The following PCDHGA6 variants were observed in gnomAD, a reference collection of about 807,000 sequenced individuals.
PCDHGA6 encodes the protein protocadherin gamma-A6.
Under a neutral mutation model 60.6 loss-of-function variants are expected in PCDHGA6, and 41 were observed. The ratio of observed to expected loss-of-function variants is 0.68; its 90% CI spans 0.53 to 0.88. The LOEUF is 0.88. Among genes scored for constraint, PCDHGA6 ranks in the 40% least tolerant of loss-of-function variants. PCDHGA6 has a pLI of 0.00. For synonymous variants in PCDHGA6, 594 were observed against 524.4 expected (o/e 1.13, Z -1.81); for missense variants, 1,312 against 1,203.0 (o/e 1.09, Z -1.34).
intron 1 of PCDHGA6, chr5:141,383,477 A>T: frequency 6.2e-7 from 1 of 1,613,722 alleles, no homozygotes; most frequent in Non-Finnish European, 8.5e-7. Context: ...AAGTACCCGG[A>T]ACTGGTGCTG....
intron 1 of PCDHGA6, chr5:141,414,573 A>G: frequency 6.2e-7 from 1 of 1,613,920 alleles, no homozygotes; most frequent in African/African-American, 1.3e-5. Context: ...CCTATATCCC[A>G]GAGAACAACG....
In PCDHGA6 at chr5:141,389,374, G is replaced by A. The variant is rs192606668; in HGVS notation, c.2424+12867G>A. On this transcript the variant is annotated intron_variant, in intron 1 of 3. Coordinates refer to ENST00000517434, the MANE Select transcript of PCDHGA6 (RefSeq NM_018919.3). Reference sequence around the variant, plus strand: ...ATCATGGCCAGTGACCTGGAGCAGCGGGAGCTGTCATCCTACGTGTCCATA... The same window carrying A: ...ATCATGGCCAGTGACCTGGAGCAGCAGGAGCTGTCATCCTACGTGTCCATA... 1,030 of 1,613,784 alleles carry A rather than the reference G, an allele frequency of 6.4e-4. 16 individuals are homozygous for A. The East Asian group carries it at 0.021, about 33-fold the overall frequency.
intron 1 of PCDHGA6, chr5:141,408,883 C>A: frequency 6.2e-7 from 1 of 1,613,462 alleles, no homozygotes; most frequent in Non-Finnish European, 8.5e-7. Flanking sequence ...CCACCGCTCA[C>A]ATAGAAATTT....
In PCDHGA6 at chr5:141,423,465, G is replaced by A. The variant is rs762995150; in HGVS notation, c.2424+46958G>A. On this transcript the variant is annotated intron_variant, in intron 1 of 3. Coordinates refer to ENST00000517434, the MANE Select transcript of PCDHGA6 (RefSeq NM_018919.3). ...CGTCACATTTTGTAGGCGTGGACGG[G>A]GTACAGGCTTTCCTGCAAACCTATT... The A allele has an allele frequency of 2.6e-5, 42 of 1,614,006 alleles. 1 individual carries two copies. The Middle Eastern group carries it at 1.5e-3, about 57-fold the overall frequency.
chr5:141,502,402 A>T (rs1317862793), intron 2 of PCDHGA6, among the ~76,000 whole-genome samples: 1 of 151,976 alleles, frequency 6.6e-6, no homozygotes, highest in Admixed American at 6.6e-5. Flanking sequence ...AATGTCCCCG[A>T]ACCTGGATTT....
rs11575954 is a variant in PCDHGA6 at position 141,376,006 on chromosome 5, C to T, written c.1923C>T (p.Ser641=). The T allele has an allele frequency of 4.7e-3, 7,621 of 1,612,710 alleles. 42 individuals are homozygous for T. Among genetic ancestry groups the T allele is most frequent in the Admixed American group, 8.7e-3 (524 of 59,936 alleles). The change falls in exon 1 of 4, where the codon AGC becomes AGT. Residue 641 remains serine, a synonymous_variant. Transcript: ENST00000517434. ...ALLDRDALKQ[S]LVVAVQDHGQ... ...TGGACAGAGACGCGCTCAAGCAGAG[C>T]CTAGTGGTGGCCGTCCAGGACCACG...
rs554556778 is a variant in PCDHGA6, at chr5:141,376,245, A to T, written c.2162A>T (p.Lys721Met). The change falls in exon 1 of 4, where the codon AAG becomes ATG. Residue 721 changes from lysine (K) to methionine (M), a missense_variant. Coordinates refer to ENST00000517434, the MANE Select transcript of PCDHGA6 (RefSeq NM_018919.3). ...GCGCTCAGACTGCAGCGCTGGCACA[A>T]GTCACGCCTGCTGCAGGCTTCGGGA... The part of the protein sequence containing the change: ...LLALRLQRWH[K>M]SRLLQASGGG... 2.5e-6 allele frequency: 4 copies of T among 1,614,180 alleles called. No individual in the cohort carries two copies. The highest frequency in any genetic ancestry group is 1.3e-5 in the African/African-American group (1 of 75,054).
chr5:141,410,185 T>A lies in PCDHGA6; in HGVS notation c.2424+33678T>A, dbSNP rs373680185. 10 of 1,613,812 alleles carry A rather than the reference T, an allele frequency of 6.2e-6. No individual in the cohort carries two copies. The African/African-American group carries it at 1.3e-4, about 22-fold the overall frequency. On this transcript the variant is annotated intron_variant, in intron 1 of 3. Transcript: ENST00000517434. ...CACTCTCTGCCACCGCCACGCTTCA[T>A]CTGGTCTTCGCAGACAACTTGCAAG...
chr5:141,477,298 T>C lies in PCDHGA6; in HGVS notation c.2425-17509T>C. ...TGGTGACCTGCGAAGTTCCACCGGG[T>C]CTCCCTTTCAGCCTTACTTCTTCCC... On this transcript the variant is annotated intron_variant, in intron 1 of 3. Coordinates refer to ENST00000517434, the MANE Select transcript of PCDHGA6 (RefSeq NM_018919.3). This position sits in a 1 kb window ranked among gnomAD's most constrained non-coding sequence, Gnocchi z 4.9. 1 of 1,613,344 alleles carries C rather than the reference T, an allele frequency of 6.2e-7. No individual in the cohort carries two copies. Among genetic ancestry groups the C allele is most frequent in the Non-Finnish European group, 8.5e-7 (1 of 1,179,870 alleles).
chr5:141,469,213 G>A (rs866405809), intron 1 of PCDHGA6, among the ~76,000 whole-genome samples: 21 of 150,912 alleles, frequency 1.4e-4, no homozygotes, highest in African/African-American at 5.1e-4. Flanking sequence ...TGAAGTTGAG[G>A]CTTCAGTGAG....
At position 141,375,056 on chromosome 5, in the gene PCDHGA6, CCAGGT is replaced by C; in HGVS notation, c.975_979del (p.Gly326SerfsTer15). 1.2e-6 allele frequency: 2 copies of C among 1,613,966 alleles called. No homozygotes were observed. The highest frequency in any genetic ancestry group is 1.7e-6 in the Non-Finnish European group (2 of 1,179,886). On this transcript the variant is annotated frameshift_variant, in exon 1 of 4. Coordinates refer to ENST00000517434, the MANE Select transcript of PCDHGA6 (RefSeq NM_018919.3). LOFTEE classifies it high-confidence loss of function. Reference sequence around the variant, plus strand: ...GCTGGGTGTTGAAGCCCGGGATGGGCCAGGTCTTCGAGACAGAGCGAAAGTCTTAA... The same window carrying C: ...GCTGGGTGTTGAAGCCCGGGATGGGCCTTCGAGACAGAGCGAAAGTCTTAA...
At position 141,436,706 on chromosome 5, in the gene PCDHGA6, A is replaced by G. The variant is rs149478256; in HGVS notation, c.2425-58101A>G. 3.9e-3 allele frequency among the ~76,000 whole-genome samples: 587 copies of G among 152,318 alleles called. 6 individuals are homozygous for G. Among genetic ancestry groups the G allele is most frequent in the Admixed American group, 0.011 (169 of 15,304 alleles). On this transcript the variant is annotated intron_variant, in intron 1 of 3. Transcript: ENST00000517434. ...TATATTTTCAATGCCAGCACACTCG[A>G]TGTTCTGTTGGGAAAAATAATAATG...
At chr5:141,382,378 C>T (rs1160680038) in intron 1 of PCDHGA6, among the ~76,000 whole-genome samples, 1 of 152,098 alleles carries the variant, frequency 6.6e-6, no homozygotes, top group Non-Finnish European at 1.5e-5. Flanking sequence ...TTTTTGCCTT[C>T]AATAACTGAT....
intron 1 of PCDHGA6, chr5:141,419,837 C>G (rs778271441): frequency 1.2e-6 from 2 of 1,614,090 alleles, no homozygotes; most frequent in South Asian, 2.2e-5. Context: ...CACTGCCACG[C>G]TGCACCTGGT....
intron 1 of PCDHGA6, chr5:141,384,848 G>C (rs1373934020): frequency 1.2e-6 from 2 of 1,613,600 alleles, no homozygotes; most frequent in South Asian, 2.2e-5. Flanking sequence ...CAGGACCACG[G>C]TCAGCCTCCT....
At chr5:141,433,837 C>CAAAA (rs56191208) in intron 1 of PCDHGA6, among the ~76,000 whole-genome samples, 6 of 111,700 alleles carry the variant, frequency 5.4e-5, no homozygotes, top group African/African-American at 1.9e-4. Flanking sequence ...AACTCTATCT[C>CAAAA]AAAAAAAAAA....
At chr5:141,388,606 T>G in intron 1 of PCDHGA6, 1 of 1,613,906 alleles carries the variant, frequency 6.2e-7, no homozygotes, top group South Asian at 1.1e-5. Context: ...AATGCTCCAG[T>G]GTTCAGTCAA....
chr5:141,383,635 C>G (rs1226106296), intron 1 of PCDHGA6: 6 of 1,613,966 alleles, frequency 3.7e-6, no homozygotes, highest in Non-Finnish European at 5.1e-6. Context: ...CTCTCTGCCT[C>G]AGTACCAAGT....
chr5:141,399,030 G>C, intron 1 of PCDHGA6: 1 of 1,613,824 alleles, frequency 6.2e-7, no homozygotes, highest in Non-Finnish European at 8.5e-7. Flanking sequence ...CCACTCAAAA[G>C]AAACTGGATT....
Sources: allele counts gnomAD v4.1 joint callset (sites outside exome capture counted in the v4.1 genomes callset), GRCh38; gene constraint gnomAD v4.1.1; non-coding constraint Gnocchi (gnomAD v3.1); transcripts MANE v1.5; gene names NCBI Gene and HGNC (gene_info 2026-07-23, HGNC 2026-07-21).